The following PCYT1B variants were observed in gnomAD, a reference collection of about 807,000 sequenced individuals.
PCYT1B encodes phosphate cytidylyltransferase 1B, choline.
In PCYT1B, 10 loss-of-function variants were observed where a neutral mutation model predicts 26.4. The ratio of observed to expected loss-of-function variants is 0.38; its 90% CI spans 0.23 to 0.64. The LOEUF is 0.64. PCYT1B is among the 30% of genes least tolerant of loss of function. The pLI is 0.56. For synonymous variants in PCYT1B, 131 were observed against 108.4 expected, an observed-to-expected ratio of 1.21 and a Z score of -1.29; for missense variants, 161 against 292.7, an observed-to-expected ratio of 0.55 and a Z score of 3.28.
intron 1 of PCYT1B, among the ~76,000 whole-genome samples, chrX:24,639,771 C>G (rs1234001384): frequency 9.0e-6 from 1 of 111,555 alleles, no homozygotes; most frequent in African/African-American, 3.3e-5. Context: ...TCCTTGCCAG[C>G]TTCCTTGCCA....
intron 1 of PCYT1B, among the ~76,000 whole-genome samples, chrX:24,644,536 TGAG>T: frequency 9.0e-6 from 1 of 110,587 alleles, no homozygotes; most frequent in Admixed American, 9.7e-5. Context: ...ATCTCACTTA[TGAG>T]TATGTTATAG....
chrX:24,609,123 G>A (rs1377375895), intron 2 of PCYT1B, among the ~76,000 whole-genome samples: 1 of 111,469 alleles, frequency 9.0e-6, no homozygotes, highest in East Asian at 2.8e-4. Context: ...CTTGCAGTGA[G>A]AAGGAAAGAG....
At chrX:24,578,894 T>C (rs2148226963) in intron 6 of PCYT1B, among the ~76,000 whole-genome samples, 1 of 111,974 alleles carries the variant, frequency 8.9e-6, no homozygotes, top group South Asian at 3.7e-4. Context: ...TTGGTTAATT[T>C]ATGTTACCCC....
rs1214367686 is a variant in PCYT1B at position 24,647,274 on chromosome X, C to CCT, written c.-171_-170dup. On this transcript the variant is annotated 5_prime_UTR_variant, in exon 1 of 8. Transcript: ENST00000379144. ...GGAAGTAAAGAGGTTACCCCCCGCC[C>CCT]CTCTCTCTCTCTCTCTCTCCCAGAA... The CCT allele has an allele frequency of 1.7e-3, 1,501 of 878,745 alleles. No individual in the cohort carries two copies. The highest frequency in any genetic ancestry group is 2.6e-3 in the Admixed American group (55 of 21,174). The allele number at this position is 878,745 out of a possible 1,213,427, so 72.4% of individuals were successfully genotyped here. A position where few individuals can be genotyped will look rare whatever the true frequency, so the allele number is the denominator to read the frequency against.
upstream of PCYT1B, among the ~76,000 whole-genome samples, chrX:24,648,989 G>A (rs970043634): frequency 8.9e-6 from 1 of 111,928 alleles, no homozygotes; most frequent in Non-Finnish European, 1.9e-5. Context: ...AGAAGAAAAT[G>A]GATTCTGTAG....
chrX:24,641,804 C>A (rs1926472882), intron 1 of PCYT1B, among the ~76,000 whole-genome samples: 1 of 112,094 alleles, frequency 8.9e-6, no homozygotes, highest in Admixed American at 9.5e-5. Flanking sequence ...TGAAAATTTT[C>A]AATTACACAT....
At chrX:24,640,786 G>A in intron 1 of PCYT1B, among the ~76,000 whole-genome samples, 1 of 111,055 alleles carries the variant, frequency 9.0e-6, no homozygotes, top group East Asian at 2.8e-4. Context: ...TCTCTCCTGA[G>A]TTCCCCAACC....
chrX:24,627,533 C>T (rs1052961740), intron 1 of PCYT1B, among the ~76,000 whole-genome samples: 1 of 111,713 alleles, frequency 9.0e-6, no homozygotes, highest in African/African-American at 3.3e-5. Flanking sequence ...AGGGTTTCGC[C>T]ATGCTGGTCT....
At chrX:24,633,737 G>A (rs1438615698) in intron 1 of PCYT1B, among the ~76,000 whole-genome samples, 2 of 111,071 alleles carry the variant, frequency 1.8e-5, no homozygotes, top group African/African-American at 6.5e-5. Flanking sequence ...CCAGAAATAC[G>A]CCATACGAAC....
chrX:24,664,003 T>C (rs763932884), intron 1 of PCYT1B, among the ~76,000 whole-genome samples: 12 of 110,795 alleles, frequency 1.1e-4, no homozygotes, highest in Admixed American at 1.9e-4. Flanking sequence ...GGAATGTATA[T>C]GGTGAATTCA....
At position 24,560,865 on chromosome X, in the gene PCYT1B, T is replaced by C. The variant is rs1019941449; in HGVS notation, c.*1428A>G. 1 of 111,989 alleles carries C rather than the reference T, an allele frequency of 8.9e-6. No individual in the cohort carries two copies. Among genetic ancestry groups the C allele is most frequent in the Admixed American group, 9.5e-5 (1 of 10,531 alleles). 9.2% of individuals were successfully genotyped at this position (111,989 alleles called of 1,213,427 possible). The stretch of plus-strand genomic sequence containing the variant: ...CATACAATAACCCAAAGAGTTTGGT[T>C]CTATGCCTTAACTCTCCCTGCTCAT... On this transcript the variant is annotated 3_prime_UTR_variant, in exon 8 of 8. Transcript: ENST00000379144.
At chrX:24,667,785 C>T (rs1313627163) in intron 1 of PCYT1B, among the ~76,000 whole-genome samples, 2 of 111,233 alleles carry the variant, frequency 1.8e-5, no homozygotes, top group East Asian at 2.8e-4. Flanking sequence ...GTTCAGATAT[C>T]TAAGCTTCAT....
At chrX:24,564,545 G>A (rs986211138) in intron 7 of PCYT1B, among the ~76,000 whole-genome samples, 1 of 109,521 alleles carries the variant, frequency 9.1e-6, no homozygotes, top group Non-Finnish European at 1.9e-5. Flanking sequence ...GTAGAGACGG[G>A]GTTTCACCGT....
Position 24,561,939 on chromosome X carries a change from T to G in PCYT1B, c.*354A>C, listed in dbSNP as rs959684769. ...AGTAGCAGGTTGAGGGAACAGCCGC[T>G]GCCACAGGTGGTTTACTTGGTGGGG... On this transcript the variant is annotated 3_prime_UTR_variant, in exon 8 of 8. Coordinates refer to ENST00000379144, the MANE Select transcript of PCYT1B (RefSeq NM_004845.5). The G allele has an allele frequency of 9.4e-6, 5 of 534,412 alleles. No individual in the cohort carries two copies. The highest frequency in any genetic ancestry group is 1.6e-5 in the Non-Finnish European group (5 of 315,832). The allele number at this position is 534,412 out of a possible 1,213,427, so 44.0% of individuals were successfully genotyped here.
rs144924262 is a variant in PCYT1B, at chrX:24,644,259, A to G, written c.117+2730T>C. 9.1e-3 allele frequency among the ~76,000 whole-genome samples: 1,024 copies of G among 111,921 alleles called. 17 individuals are homozygous for G. The highest frequency in any genetic ancestry group is 0.031 in the African/African-American group (960 of 30,786). The stretch of plus-strand genomic sequence containing the variant: ...AGTGATCAAAGTTAGCTAATAAGAG[A>G]GAAGGCAATTTGAAAATTTTAGTAG... On this transcript the variant is annotated intron_variant, in intron 1 of 7. Coordinates refer to ENST00000379144, the MANE Select transcript of PCYT1B (RefSeq NM_004845.5).
intron 1 of PCYT1B, among the ~76,000 whole-genome samples, chrX:24,655,181 A>G (rs2148277884): frequency 8.9e-6 from 1 of 112,463 alleles, no homozygotes; most frequent in Admixed American, 9.4e-5. Context: ...TGATTTGACC[A>G]TGGTCACATA....
intron 2 of PCYT1B, among the ~76,000 whole-genome samples, chrX:24,617,450 T>TCA (rs1555960841): frequency 5.5e-5 from 3 of 54,474 alleles, no homozygotes; most frequent in Non-Finnish European, 9.4e-5. Flanking sequence ...TATATTATTA[T>TCA]TATTTTTTTT....
chrX:24,625,974 T>A, intron 1 of PCYT1B, among the ~76,000 whole-genome samples: 1 of 107,430 alleles, frequency 9.3e-6, no homozygotes, highest in Non-Finnish European at 1.9e-5. Flanking sequence ...ATTAGCCGGG[T>A]CTGATGGCAC....
intron 3 of PCYT1B, among the ~76,000 whole-genome samples, chrX:24,598,413 G>A (rs1924851748): frequency 9.1e-6 from 1 of 109,667 alleles, no homozygotes; most frequent in Non-Finnish European, 1.9e-5. Context: ...ATCTACTAAA[G>A]ATAACTATTT....
Sources: gnomAD v4.1 joint callset for allele counts (sites outside exome capture counted in the v4.1 genomes callset) on GRCh38, gnomAD v4.1.1 for gene constraint, MANE v1.5 for transcripts, NCBI Gene and HGNC (gene_info 2026-07-23, HGNC 2026-07-21) for gene names.